Variants in CPQ observed in about 807,000 individuals in gnomAD.
CPQ encodes the protein carboxypeptidase Q.
A neutral mutation model predicts 45.7 loss-of-function variants in CPQ; 37 were observed. That is an observed-to-expected ratio of 0.81 (90% confidence interval 0.62 to 1.07). The LOEUF (loss-of-function observed/expected upper bound fraction) is 1.07, where lower values mean the gene tolerates loss of function less well. Ranked by LOEUF, CPQ falls within the 50% of genes least tolerant of loss-of-function variation. The pLI, the probability that CPQ is intolerant of heterozygous loss-of-function variation, is 0.00. For missense variants in CPQ, 537 were observed against 572.9 expected (o/e 0.94, Z 0.64); for synonymous variants, 186 against 205.8 (o/e 0.90, Z 0.82).
At chr8:97,088,833 C>T (rs1007952262) in intron 7 of CPQ, among the ~76,000 whole-genome samples, 1 of 152,094 alleles carries the variant, frequency 6.6e-6, no homozygotes, top group South Asian at 2.1e-4. Context: ...AAGAACAGCT[C>T]AATTAAAACT....
intron 1 of CPQ, among the ~76,000 whole-genome samples, chr8:96,713,468 G>A (rs1809639480): frequency 6.6e-6 from 1 of 152,178 alleles, no homozygotes; most frequent in Non-Finnish European, 1.5e-5. Context: ...CAGTGTGGCT[G>A]GGGAGGCCTC....
intron 4 of CPQ, among the ~76,000 whole-genome samples, chr8:96,955,524 T>C (rs1047128345): frequency 6.6e-6 from 1 of 152,160 alleles, no homozygotes; most frequent in Non-Finnish European, 1.5e-5. Context: ...AAAAAACTAC[T>C]TTAAAGTTCA....
chr8:97,085,875 A>T (rs1353266317), intron 7 of CPQ, among the ~76,000 whole-genome samples: 2 of 152,190 alleles, frequency 1.3e-5, no homozygotes, highest in Admixed American at 1.3e-4. Context: ...TAAATATCAA[A>T]TGTGTTGTAA....
chr8:96,921,737 G>A (rs1209570894), intron 4 of CPQ, among the ~76,000 whole-genome samples: 1 of 152,144 alleles, frequency 6.6e-6, no homozygotes, highest in Non-Finnish European at 1.5e-5. Context: ...AGCTTTCAGT[G>A]TTCTTCATTC....
chr8:96,905,715 A>G (rs1288334614), intron 4 of CPQ, among the ~76,000 whole-genome samples: 1 of 150,354 alleles, frequency 6.7e-6, no homozygotes, highest in Admixed American at 6.7e-5. Flanking sequence ...TTCCCTTTAC[A>G]CATGGTGAAA....
chr8:96,886,363 C>T (rs1169782766), intron 4 of CPQ, among the ~76,000 whole-genome samples: 2 of 152,094 alleles, frequency 1.3e-5, no homozygotes, highest in South Asian at 2.1e-4. Context: ...TGAAAATGAG[C>T]GCTTTTTGAT....
intron 3 of CPQ, among the ~76,000 whole-genome samples, chr8:96,877,559 G>A (rs1812162756): frequency 6.6e-6 from 1 of 152,026 alleles, no homozygotes; most frequent in African/African-American, 2.4e-5. Context: ...GGTAATTTTT[G>A]GTCATTAATC....
intron 7 of CPQ, among the ~76,000 whole-genome samples, chr8:97,083,131 G>A (rs1810981591): frequency 6.6e-6 from 1 of 152,264 alleles, no homozygotes; most frequent in Non-Finnish European, 1.5e-5. Flanking sequence ...TATTTCAAAG[G>A]ACTATTGTGA....
At chr8:97,041,799 G>A (rs1256728530) in intron 6 of CPQ, among the ~76,000 whole-genome samples, 39 of 136,544 alleles carry the variant, frequency 2.9e-4, no homozygotes, top group East Asian at 6.5e-4. Context: ...ATAGATTTGC[G>A]TATATTGAAC....
At chr8:97,141,653 A>G (rs1812166914) in intron 7 of CPQ, among the ~76,000 whole-genome samples, 2 of 152,104 alleles carry the variant, frequency 1.3e-5, no homozygotes, top group Non-Finnish European at 2.9e-5. Flanking sequence ...ATAGCCCAGC[A>G]AACCACTCCT....
intron 2 of CPQ, among the ~76,000 whole-genome samples, chr8:96,818,124 A>G (rs192718268): frequency 6.6e-6 from 1 of 152,080 alleles, no homozygotes; most frequent in African/African-American, 2.4e-5. Context: ...TAATTGGCCT[A>G]ATTTCAATGG....
At chr8:96,741,774 G>A (rs1810095540) in intron 1 of CPQ, among the ~76,000 whole-genome samples, 1 of 151,668 alleles carries the variant, frequency 6.6e-6, no homozygotes, top group East Asian at 1.9e-4. Flanking sequence ...TTTTCATGTA[G>A]TTGAGCGGTT....
At chr8:97,042,011 G>T (rs1361903976) in intron 6 of CPQ, among the ~76,000 whole-genome samples, 1 of 152,170 alleles carries the variant, frequency 6.6e-6, no homozygotes, top group Non-Finnish European at 1.5e-5. Flanking sequence ...AAATGAGTTA[G>T]GGAGGATTCC....
At chr8:97,011,736 A>G (rs1809488000) in intron 5 of CPQ, among the ~76,000 whole-genome samples, 1 of 152,222 alleles carries the variant, frequency 6.6e-6, no homozygotes, top group African/African-American at 2.4e-5. Context: ...TGAAAATTAT[A>G]TGAGCTATTA....
At chr8:97,035,856 C>T (rs901785698) in intron 6 of CPQ, among the ~76,000 whole-genome samples, 3 of 152,028 alleles carry the variant, frequency 2.0e-5, no homozygotes, top group Non-Finnish European at 2.9e-5. Context: ...TACAGGCGCC[C>T]GCCACCACAC....
At chr8:96,975,928 C>G (rs1479864472) in intron 5 of CPQ, among the ~76,000 whole-genome samples, 1 of 151,992 alleles carries the variant, frequency 6.6e-6, no homozygotes. Context: ...AGAACTGGAA[C>G]AAGACAAGGA....
In CPQ at chr8:96,854,404, G is replaced by A. The variant is rs1019256145; in HGVS notation, c.641+19224G>A. On this transcript the variant is annotated intron_variant, in intron 3 of 7. Coordinates refer to ENST00000220763, the MANE Select transcript of CPQ (RefSeq NM_016134.4). Reference sequence around the variant, plus strand: ...AAATTAGCAGGGCGTAGTGGCGGGCGCCTGTAGTCCCAGCTACTTGGGAGG... The same window carrying A: ...AAATTAGCAGGGCGTAGTGGCGGGCACCTGTAGTCCCAGCTACTTGGGAGG... Among the ~76,000 whole-genome samples the A allele has an allele frequency of 9.4e-5, 14 of 148,762 alleles. No individual in the cohort carries two copies. In the South Asian group the frequency reaches 1.7e-3, roughly 18 times the overall value.
At chr8:96,710,202 T>C (rs184610027) in intron 1 of CPQ, among the ~76,000 whole-genome samples, 3 of 125,176 alleles carry the variant, frequency 2.4e-5, no homozygotes, top group African/African-American at 3.9e-5. Flanking sequence ...AGTCTCGAAA[T>C]TTTTTTTGTA....
At chr8:97,069,939 G>T (rs1014774207) in intron 7 of CPQ, among the ~76,000 whole-genome samples, 1 of 152,014 alleles carries the variant, frequency 6.6e-6, no homozygotes, top group African/African-American at 2.4e-5. Context: ...AATTATAGAA[G>T]ACAAAAGGAT....
Sources: gnomAD v4.1 joint callset for allele counts (sites outside exome capture counted in the v4.1 genomes callset) on GRCh38, gnomAD v4.1.1 for gene constraint, MANE v1.5 for transcripts, NCBI Gene and HGNC (gene_info 2026-07-23, HGNC 2026-07-21) for gene names.